Variants in MAPK4 observed in about 807,000 individuals in gnomAD.
MAPK4 encodes Erk3-related.
A neutral mutation model predicts 47.7 loss-of-function variants in MAPK4; 22 were observed. The observed-to-expected ratio is 0.46, with a 90% CI of 0.33 to 0.66. MAPK4 has a LOEUF of 0.66. MAPK4 is among the 30% of genes least tolerant of loss of function. The pLI is 0.02. For missense variants in MAPK4, 736 were observed against 831.7 expected, an observed-to-expected ratio of 0.88 and a Z score of 1.42; for synonymous variants, 390 against 365.7, an observed-to-expected ratio of 1.07 and a Z score of -0.76.
intron 2 of MAPK4, among the ~76,000 whole-genome samples, chr18:50,677,538 G>A (rs1416676124): frequency 6.6e-6 from 1 of 151,632 alleles, no homozygotes; most frequent in Admixed American, 6.6e-5. Flanking sequence ...GGTGCCCACT[G>A]TGTCATGTGT....
At chr18:50,682,672 T>C (rs1387232236) in intron 2 of MAPK4, among the ~76,000 whole-genome samples, 1 of 152,258 alleles carries the variant, frequency 6.6e-6, no homozygotes, top group Non-Finnish European at 1.5e-5. Context: ...GGAAAATGAT[T>C]TGGCAGTTTC....
intron 1 of MAPK4, among the ~76,000 whole-genome samples, chr18:50,639,017 C>T (rs2042914573): frequency 6.6e-6 from 1 of 152,192 alleles, no homozygotes; most frequent in Non-Finnish European, 1.5e-5. Context: ...TATATGGGCA[C>T]AACCTGGGAA....
At chr18:50,562,503 T>G (rs4550559) in intron 1 of MAPK4, among the ~76,000 whole-genome samples, 1 of 151,632 alleles carries the variant, frequency 6.6e-6, no homozygotes, top group South Asian at 2.1e-4. Context: ...CAGGGCCAGC[T>G]GAACCTTCCA....
intron 2 of MAPK4, among the ~76,000 whole-genome samples, chr18:50,711,659 G>A (rs1335276540): frequency 2.0e-5 from 3 of 152,218 alleles, no homozygotes; most frequent in Non-Finnish European, 4.4e-5. Context: ...GACCAGGTCT[G>A]ATCACAGAGA....
chr18:50,727,563 G>A (rs908278328), intron 5 of MAPK4, among the ~76,000 whole-genome samples: 9 of 152,156 alleles, frequency 5.9e-5, no homozygotes, highest in Middle Eastern at 3.2e-3. Flanking sequence ...TGGTTCCTGC[G>A]GCAGCTTCCC....
chr18:50,578,857 A>C (rs927085557), intron 1 of MAPK4, among the ~76,000 whole-genome samples: 1 of 152,136 alleles, frequency 6.6e-6, no homozygotes, highest in Non-Finnish European at 1.5e-5. Context: ...TGTGACTCAG[A>C]GGAGGCTTCC....
At chr18:50,683,453 G>GT (rs1555654878) in intron 2 of MAPK4, among the ~76,000 whole-genome samples, 25 of 142,152 alleles carry the variant, frequency 1.8e-4, no homozygotes, top group African/African-American at 4.5e-4. Context: ...TTGGTGATGG[G>GT]GTGTGTGTGT....
In MAPK4 at chr18:50,689,104, T is replaced by C. The variant is rs189044738; in HGVS notation, c.546+24600T>C. Reference sequence around the variant, plus strand: ...CAAAACCCCGTCTCTACTAAAAATATAAAAAATTATCCCAGGTGTGGTGGT... The same window carrying C: ...CAAAACCCCGTCTCTACTAAAAATACAAAAAATTATCCCAGGTGTGGTGGT... On this transcript the variant is annotated intron_variant, in intron 2 of 5. Coordinates refer to ENST00000400384, the MANE Select transcript of MAPK4 (RefSeq NM_002747.4). Among the ~76,000 whole-genome samples, 478 of 147,216 alleles carry C rather than the reference T, an allele frequency of 3.2e-3. 3 individuals carry two copies. The highest frequency in any genetic ancestry group is 3.2e-3 in the East Asian group (16 of 5,020).
At chr18:50,671,659 T>TCAAGGC (rs1568073783) in intron 2 of MAPK4, among the ~76,000 whole-genome samples, 20 of 152,210 alleles carry the variant, frequency 1.3e-4, no homozygotes, top group African/African-American at 4.8e-4. Flanking sequence ...TGGGAGGCTT[T>TCAAGGC]GGGAAGACTG....
At chr18:50,561,012 G>C (rs745700426) in intron 1 of MAPK4, among the ~76,000 whole-genome samples, 3 of 152,272 alleles carry the variant, frequency 2.0e-5, no homozygotes, top group Non-Finnish European at 4.4e-5. Flanking sequence ...CGGATGCCCC[G>C]GGAGGGGGCT....
chr18:50,617,250 TC>T (rs1225479556), intron 1 of MAPK4, among the ~76,000 whole-genome samples: 3 of 152,036 alleles, frequency 2.0e-5, no homozygotes, highest in African/African-American at 2.4e-5. Flanking sequence ...CATCGGGACA[TC>T]GGGGTCTGTA....
intron 3 of MAPK4, among the ~76,000 whole-genome samples, chr18:50,716,547 C>T (rs553110036): frequency 5.9e-5 from 9 of 152,330 alleles, no homozygotes; most frequent in East Asian, 1.9e-4. Flanking sequence ...TCCAAACCAC[C>T]GTTGGTAGAG....
intron 1 of MAPK4, among the ~76,000 whole-genome samples, chr18:50,597,943 T>A (rs561367057): frequency 5.3e-5 from 8 of 152,346 alleles, no homozygotes; most frequent in African/African-American, 1.9e-4. Context: ...TTAAAGCATC[T>A]CTATCTCTTT....
At chr18:50,668,104 T>C (rs1907707255) in intron 2 of MAPK4, among the ~76,000 whole-genome samples, 1 of 152,232 alleles carries the variant, frequency 6.6e-6, no homozygotes, top group African/African-American at 2.4e-5. Flanking sequence ...GTTAGGTTCA[T>C]GTAACACTTC....
intron 1 of MAPK4, among the ~76,000 whole-genome samples, chr18:50,650,232 G>T (rs866295517): frequency 6.6e-6 from 1 of 152,190 alleles, no homozygotes; most frequent in South Asian, 2.1e-4. Flanking sequence ...TGCTAATCAC[G>T]GCAAAGCAAC....
intron 2 of MAPK4, among the ~76,000 whole-genome samples, chr18:50,710,715 G>C (rs1009834038): frequency 2.6e-5 from 4 of 152,126 alleles, no homozygotes; most frequent in Admixed American, 2.6e-4. Context: ...GGGAGGCGGA[G>C]CTTGCAGTGA....
intron 1 of MAPK4, among the ~76,000 whole-genome samples, chr18:50,639,823 G>A (rs1420119816): frequency 6.6e-6 from 1 of 152,138 alleles, no homozygotes; most frequent in Non-Finnish European, 1.5e-5. Context: ...TAGCTCACCT[G>A]GTAGAATATT....
intron 2 of MAPK4, among the ~76,000 whole-genome samples, chr18:50,679,687 T>G (rs1402193806): frequency 6.6e-6 from 1 of 152,154 alleles, no homozygotes; most frequent in Non-Finnish European, 1.5e-5. Context: ...TTTGAGAACT[T>G]TCCTGGTACC....
At chr18:50,718,282 T>C (rs1352569066) in intron 3 of MAPK4, among the ~76,000 whole-genome samples, 1 of 152,234 alleles carries the variant, frequency 6.6e-6, no homozygotes, top group African/African-American at 2.4e-5. Flanking sequence ...TGCAACGGCA[T>C]GATCTTGGCT....
Sources: allele counts gnomAD v4.1 joint callset (sites outside exome capture counted in the v4.1 genomes callset), GRCh38; gene constraint gnomAD v4.1.1; transcripts MANE v1.5; gene names NCBI Gene and HGNC (gene_info 2026-07-23, HGNC 2026-07-21).